The following KYAT3 variants were observed in gnomAD, a reference collection of about 807,000 sequenced individuals.
The protein encoded by KYAT3 is kynurenine--oxoglutarate transaminase 3.
Under a neutral mutation model 59.0 loss-of-function variants are expected in KYAT3, and 50 were observed. That is an observed-to-expected ratio of 0.85 (90% CI 0.68 to 1.07). KYAT3 has a LOEUF of 1.07. Ranked by LOEUF, KYAT3 falls within the 50% of genes least tolerant of loss-of-function variation. KYAT3 has a pLI of 0.00. For missense variants in KYAT3, 497 were observed against 533.3 expected (o/e 0.93, Z 0.67); for synonymous variants, 148 against 177.0 (o/e 0.84, Z 1.30).
chr1:88,973,184 G>A (rs1676625975), intron 2 of KYAT3, among the ~76,000 whole-genome samples: 1 of 152,150 alleles, frequency 6.6e-6, no homozygotes, highest in South Asian at 2.1e-4. Context: ...GATGATAGTG[G>A]GGGTGGGGTA....
In KYAT3 at chr1:88,936,056, G is replaced by T; in HGVS notation, c.*127C>A. On this transcript the variant is annotated 3_prime_UTR_variant, in exon 14 of 14. Transcript: ENST00000260508. ...GTTAGGAGTTGGGTTAACTGCTTTGGAAAAACAATGGAAATATTTAAATTC... is the reference window on the plus strand; with the variant it reads ...GTTAGGAGTTGGGTTAACTGCTTTGTAAAAACAATGGAAATATTTAAATTC... The T allele has an allele frequency of 1.5e-6, 1 of 667,876 alleles. No homozygotes were observed. Among genetic ancestry groups the T allele is most frequent in the Non-Finnish European group, 2.5e-6 (1 of 404,348 alleles). 41.4% of individuals were successfully genotyped at this position (667,876 alleles called of 1,614,324 possible). A position where few individuals can be genotyped will look rare whatever the true frequency, so the allele number is the denominator to read the frequency against.
chr1:88,948,977 T>C lies in KYAT3; in HGVS notation c.1141+114A>G, dbSNP rs570780375. 4.8e-6 allele frequency: 4 copies of C among 832,646 alleles called. No individual in the cohort carries two copies. The African/African-American group carries it at 5.4e-5, about 11-fold the overall frequency. The allele number at this position is 832,646 out of a possible 1,614,324, so 51.6% of individuals were successfully genotyped here. The stretch of plus-strand genomic sequence containing the variant: ...ATGTAGACATTGCAAAAATCCATCC[T>C]TCTCCACAGATAAAATGCTGCTGTG... On this transcript the variant is annotated intron_variant, in intron 11 of 13. Transcript: ENST00000260508.
At position 88,979,275 on chromosome 1, in the gene KYAT3, C is replaced by A. The variant is rs376665923; in HGVS notation, c.99+8977G>T. Among the ~76,000 whole-genome samples, 6 of 152,100 alleles carry A rather than the reference C, an allele frequency of 3.9e-5. 1 individual carries two copies. In the East Asian group the frequency reaches 9.6e-4, roughly 24 times the overall value. On this transcript the variant is annotated intron_variant, in intron 2 of 13. Coordinates refer to ENST00000260508, the MANE Select transcript of KYAT3 (RefSeq NM_001008661.3). Reference sequence around the variant, plus strand: ...CTTTACTTGAGACTAAACAGAGTCACATCTCCCACCTTCATGGCCATAGAG... The same window carrying A: ...CTTTACTTGAGACTAAACAGAGTCAAATCTCCCACCTTCATGGCCATAGAG...
chr1:88,947,973 T>G (rs1675512018), intron 11 of KYAT3, among the ~76,000 whole-genome samples: 1 of 152,120 alleles, frequency 6.6e-6, no homozygotes, highest in Non-Finnish European at 1.5e-5. Context: ...ATGCCTGTGG[T>G]CCCAGCTACT....
At chr1:88,942,447 GT>G (rs1461612388) in intron 13 of KYAT3, among the ~76,000 whole-genome samples, 3 of 151,618 alleles carry the variant, frequency 2.0e-5, no homozygotes, top group Admixed American at 6.6e-5. Flanking sequence ...ATATTTTCTT[GT>G]GTTTTCTTAT....
intron 2 of KYAT3, among the ~76,000 whole-genome samples, chr1:88,975,668 A>G (rs1676756389): frequency 6.6e-6 from 1 of 152,240 alleles, no homozygotes; most frequent in Non-Finnish European, 1.5e-5. Context: ...TATATATACA[A>G]CACAGAGTCA....
chr1:88,968,580 A>T, intron 4 of KYAT3, 90 bp downstream of exon 4: 1 of 1,058,494 alleles, frequency 9.4e-7, no homozygotes, highest in South Asian at 2.2e-5. Flanking sequence ...TCACTTATAT[A>T]TGAATGACAG....
Position 88,943,359 on chromosome 1 carries a change from A to C in KYAT3, c.1206T>G (p.Thr402=). ...GAACAATAAACATTACCTTATGTTT[A>C]GTCATCCATTTCACAAACTTATAGT... ...PYDYKFVKWM[T]KHKKLSAIPV... Residue 402 remains threonine, a synonymous_variant, in exon 12 of 14, where the codon ACT becomes ACG. Transcript: ENST00000260508. 1.3e-6 allele frequency: 2 copies of C among 1,542,900 alleles called. No homozygotes were observed. The highest frequency in any genetic ancestry group is 1.8e-6 in the Non-Finnish European group (2 of 1,123,298).
chr1:88,978,070 TAATA>T (rs1277071466), intron 2 of KYAT3, among the ~76,000 whole-genome samples: 2 of 152,172 alleles, frequency 1.3e-5, no homozygotes, highest in Admixed American at 6.6e-5. Flanking sequence ...TGTATGTATA[TAATA>T]TATACACATA....
intron 11 of KYAT3, among the ~76,000 whole-genome samples, chr1:88,946,059 T>C (rs1675430314): frequency 6.6e-6 from 1 of 152,230 alleles, no homozygotes; most frequent in Non-Finnish European, 1.5e-5. Flanking sequence ...CTTAATGTAA[T>C]ATTCTGAGTT....
At chr1:88,930,931 T>G (rs551730513), downstream of KYAT3, among the ~76,000 whole-genome samples, 134 of 152,184 alleles carry the variant, frequency 8.8e-4, no homozygotes, top group African/African-American at 3.2e-3. Context: ...GGCAGGACCC[T>G]CCATTAGAAA....
chr1:88,952,131 T>C (rs560276532), intron 10 of KYAT3, among the ~76,000 whole-genome samples: 122 of 152,330 alleles, frequency 8.0e-4, no homozygotes, highest in Non-Finnish European at 6.2e-4. Flanking sequence ...TTGTGTTGTT[T>C]TAAGTCACTA....
chr1:88,950,253 G>T (rs1157140411), intron 10 of KYAT3, among the ~76,000 whole-genome samples: 5 of 152,200 alleles, frequency 3.3e-5, no homozygotes, highest in African/African-American at 4.8e-5. Context: ...TGTGGCAAGA[G>T]ATGAGACTGG....
chr1:88,940,055 TTTA>T (rs543003383), intron 13 of KYAT3, among the ~76,000 whole-genome samples: 15 of 152,004 alleles, frequency 9.9e-5, no homozygotes, highest in African/African-American at 3.4e-4. Flanking sequence ...TGGTTCCTCT[TTTA>T]TTATTATTAT....
intron 2 of KYAT3, chr1:88,984,039 G>C (rs1227210112): frequency 2.1e-6 from 1 of 471,740 alleles, no homozygotes; most frequent in Non-Finnish European, 4.0e-6. Context: ...TTTGCCACTA[G>C]ATGGCAGAGG....
intron 8 of KYAT3, among the ~76,000 whole-genome samples, chr1:88,955,662 G>T (rs901926861): frequency 6.6e-6 from 1 of 152,138 alleles, no homozygotes; most frequent in Non-Finnish European, 1.5e-5. Flanking sequence ...CCTATTTTCT[G>T]AGTGTATTTC....
chr1:88,943,167 G>C (rs1003289479), intron 12 of KYAT3, 76 bp from the exon 13 acceptor site: 4 of 1,172,786 alleles, frequency 3.4e-6, no homozygotes, highest in African/African-American at 3.1e-5. Flanking sequence ...ACAGATACTA[G>C]AGGCAACTAG....
chr1:88,922,105 G>C, the KYAT3 span, among the ~76,000 whole-genome samples: 6 of 152,250 alleles, frequency 3.9e-5, no homozygotes, highest in East Asian at 1.2e-3. Flanking sequence ...CTAATACTTT[G>C]GGAGGCTGAA....
chr1:88,946,326 T>G (rs1219006661), intron 11 of KYAT3, among the ~76,000 whole-genome samples: 1 of 722 alleles, frequency 1.4e-3, no homozygotes, highest in Non-Finnish European at 0.05. Context: ...GTGTAACTGA[T>G]TTTTTTTTTT....
Sources: gnomAD v4.1 joint callset for allele counts (sites outside exome capture counted in the v4.1 genomes callset) on GRCh38, gnomAD v4.1.1 for gene constraint, MANE v1.5 for transcripts, NCBI Gene and HGNC (gene_info 2026-07-23, HGNC 2026-07-21) for gene names.